The following TNXB variants were observed in gnomAD, a reference collection of about 807,000 sequenced individuals.
TNXB encodes tenascin XB.
TNXB carries 183 observed loss-of-function variants against 340.5 expected under a neutral mutation model. That is an observed-to-expected ratio of 0.54 (90% CI 0.48 to 0.61). The LOEUF (loss-of-function observed/expected upper bound fraction) is 0.61. TNXB is among the 20% of genes least tolerant of loss of function. TNXB has a pLI of 0.00. For synonymous variants in TNXB, 2,121 were observed against 2,314.5 expected (o/e 0.92, Z 2.40); for missense variants, 4,613 against 5,446.4 (o/e 0.85, Z 4.82).
rs777765742 is a variant in TNXB, at chr6:32,075,592, G to A, written c.4376-1640C>T. Among the ~76,000 whole-genome samples, 1 of 152,104 alleles carries A rather than the reference G, an allele frequency of 6.6e-6. No homozygotes were observed. Among genetic ancestry groups the A allele is most frequent in the Admixed American group, 6.5e-5 (1 of 15,276 alleles). On this transcript the variant is annotated intron_variant, in intron 11 of 43. Transcript: ENST00000644971. The surrounding 1 kb of genome is among the most constrained non-coding windows in gnomAD (Gnocchi z 4.6). ...CCCACCACTCATCACTGTCACATCC[G>A]GTGCCACTGACATATTTGTGCAATT...
chr6:32,082,419 A>G lies in TNXB; in HGVS notation c.3446-93T>C. The G allele has an allele frequency of 7.5e-7, 1 of 1,338,646 alleles. No individual in the cohort carries two copies. The allele number at this position is 1,338,646 out of a possible 1,614,324, so 82.9% of individuals were successfully genotyped here. On this transcript the variant is annotated intron_variant, in intron 8 of 43. Transcript: ENST00000644971. This position sits in a 1 kb window ranked among gnomAD's most constrained non-coding sequence, Gnocchi z 5.0. ...ATAGGAATGCTGTGTGAGGCTGTGCAGGTTGTTCACTGCACAAAAGTGCAT... is the reference window on the plus strand; with the variant it reads ...ATAGGAATGCTGTGTGAGGCTGTGCGGGTTGTTCACTGCACAAAAGTGCAT...
At position 32,095,800 on chromosome 6, in the gene TNXB, C is replaced by CT. The variant is rs1447514782; in HGVS notation, c.2052dup (p.Ala685SerfsTer29). 1 of 1,613,022 alleles carries CT rather than the reference C, an allele frequency of 6.2e-7. No homozygotes were observed. Among genetic ancestry groups the CT allele is most frequent in the Middle Eastern group, 1.7e-4 (1 of 6,056 alleles). ...CCGCAGCCTCCAGGGCAGGCGCTGG[C>CT]TGGAGGCTCTTCCTGCCCGCAGTCC... On this transcript the variant is annotated frameshift_variant, in exon 3 of 44. Transcript: ENST00000644971. LOFTEE classifies it high-confidence loss of function.
chr6:32,098,546 T>C (rs181035586), intron 1 of TNXB, among the ~76,000 whole-genome samples: 1 of 152,198 alleles, frequency 6.6e-6, no homozygotes, highest in Non-Finnish European at 1.5e-5. Context: ...AGTGGTGCGA[T>C]CTCAGCTCAC....
chr6:32,076,280 T>C (rs1435505132), intron 11 of TNXB, among the ~76,000 whole-genome samples: 1 of 152,184 alleles, frequency 6.6e-6, no homozygotes, highest in African/African-American at 2.4e-5. Context: ...CCATGCTGCA[T>C]GTGGGACAGT....
rs773077091 is a variant in TNXB at position 32,069,248 on chromosome 6, C to G, written c.5588-112G>C. Reference sequence around the variant, plus strand: ...GGGCAAGCAGTCAGCAATCGAAAGACCAGCTTTTGCTGCACATGGGTGAAT... The same window carrying G: ...GGGCAAGCAGTCAGCAATCGAAAGAGCAGCTTTTGCTGCACATGGGTGAAT... On this transcript the variant is annotated intron_variant, in intron 15 of 43. Coordinates refer to ENST00000644971, the MANE Select transcript of TNXB (RefSeq NM_001365276.2). This position sits in a 1 kb window ranked among gnomAD's most constrained non-coding sequence, Gnocchi z 6.2. 3.1e-4 allele frequency: 336 copies of G among 1,090,478 alleles called. No individual in the cohort carries two copies. In the Middle Eastern group the frequency reaches 3.2e-3, roughly 10 times the overall value. The allele number at this position is 1,090,478 out of a possible 1,614,324, so 67.6% of individuals were successfully genotyped here.
chr6:32,075,035 C>T lies in TNXB; in HGVS notation c.4376-1083G>A, dbSNP rs1015790493. Among the ~76,000 whole-genome samples the T allele has an allele frequency of 6.6e-6, 1 of 152,222 alleles. No individual in the cohort carries two copies. The highest frequency in any genetic ancestry group is 1.5e-5 in the Non-Finnish European group (1 of 68,052). On this transcript the variant is annotated intron_variant, in intron 11 of 43. Transcript: ENST00000644971. This position sits in a 1 kb window ranked among gnomAD's most constrained non-coding sequence, Gnocchi z 4.6. ...AGATCTAAACCGCCAGAGTCATCCC[C>T]GAGTCCTCTCTTAAACTCCACATCC...
chr6:32,102,587 A>C (rs1162551045), intron 1 of TNXB, among the ~76,000 whole-genome samples: 1 of 152,210 alleles, frequency 6.6e-6, no homozygotes, highest in Non-Finnish European at 1.5e-5. Context: ...GAAAAAAGAA[A>C]AAAGAAAACA....
Position 32,042,531 on chromosome 6 carries a change from G to A in TNXB, c.12134C>T (p.Thr4045Ile). The A allele has an allele frequency of 1.2e-6, 2 of 1,612,196 alleles. No homozygotes were observed. The highest frequency in any genetic ancestry group is 8.5e-7 in the Non-Finnish European group (1 of 1,179,916). ...CTCGCGGTTGCCGTTGAGGAAGATG[G>A]TGCTGGTCCTGGAGGCACCGGCTCC... ...QNGAGASRTSTIFLNGNRERP... is the reference protein window; with the variant it reads ...QNGAGASRTSIIFLNGNRERP... Residue 4045 changes from threonine to isoleucine, a missense_variant, in exon 40 of 44, where the codon ACC (threonine) becomes ATC (isoleucine). Thr to Ile is a moderately conservative substitution (Grantham distance 89). This residue lies in a region of TNXB where 121 missense variants were observed against 177.4 expected (regional missense o/e 0.68). Transcript: ENST00000644971.
intron 21 of TNXB, among the ~76,000 whole-genome samples, chr6:32,059,506 A>G (rs1315555623): frequency 6.6e-6 from 1 of 150,718 alleles, no homozygotes; most frequent in Non-Finnish European, 1.5e-5. Flanking sequence ...TGGGGCAGCA[A>G]TACACATAGA....
At chr6:32,059,457 C>T (rs1777881380) in intron 21 of TNXB, among the ~76,000 whole-genome samples, 1 of 113,322 alleles carries the variant, frequency 8.8e-6, no homozygotes, top group Non-Finnish European at 1.8e-5. Context: ...GAAAGAAATT[C>T]TGGGCTACAA....
In TNXB at chr6:32,044,020, C is replaced by T; in HGVS notation, c.11373G>A (p.Gln3791=). ...SRADSFKVSY[Q]LADGGEPQSV... ...CAAAGGCACCACCTCCGTCCGCCAG[C>T]TGGTAGGAGACTTTGAAGCTGTCCG... Residue 3791 remains glutamine (Q), a synonymous_variant, in exon 34 of 44, where the codon CAG becomes CAA. Transcript: ENST00000644971. 6.3e-7 allele frequency: 1 copy of T among 1,587,436 alleles called. No homozygotes were observed. Among genetic ancestry groups the T allele is most frequent in the Non-Finnish European group, 8.6e-7 (1 of 1,167,320 alleles).
chr6:32,068,683 T>A lies in TNXB; in HGVS notation c.5927A>T (p.Glu1976Val), dbSNP rs760212295. ...LTVPEEEKPS[E>V]PPTATPEPPI... Reference sequence around the variant, plus strand: ...GGGCTCGGGGGTTGCGGTGGGAGGTTCTGAAGGCTTCTCCTCCTCCGGGAC... The same window carrying A: ...GGGCTCGGGGGTTGCGGTGGGAGGTACTGAAGGCTTCTCCTCCTCCGGGAC... Residue 1976 changes from glutamate to valine, a missense_variant, in exon 17 of 44, where the codon GAA becomes GTA. By Grantham distance (121) the Glu-to-Val change is moderately radical (BLOSUM62 -2). Transcript: ENST00000644971. This position sits in a 1 kb window ranked among gnomAD's most constrained non-coding sequence, Gnocchi z 5.3. The A allele has an allele frequency of 5.0e-6, 8 of 1,613,432 alleles. No individual in the cohort carries two copies. Among genetic ancestry groups the A allele is most frequent in the Non-Finnish European group, 6.8e-6 (8 of 1,179,728 alleles).
chr6:32,065,205 C>T (rs1264574439), intron 18 of TNXB, 88 bp from the exon 19 acceptor site: 2 of 1,153,518 alleles, frequency 1.7e-6, no homozygotes, highest in East Asian at 2.6e-5. Flanking sequence ...AGAAGGTGGG[C>T]CCAGTCTGGC....
rs943457346 is a variant in TNXB at position 32,072,021 on chromosome 6, T to A, written c.4959A>T (p.Arg1653=). 6 of 1,607,598 alleles carry A rather than the reference T, an allele frequency of 3.7e-6. No individual in the cohort carries two copies. The African/African-American group carries it at 4.0e-5, about 11-fold the overall frequency. ...FLLFGIQDGK[R]RSPVSVEAKT... is the part of the protein sequence containing the mutation. ...TTGCCTCCACAGAGACTGGGCTGCG[T>A]CGTTTCCCATCCTGGATCCCAAAGA... is the stretch of plus-strand genomic sequence containing the variant. The change falls in exon 13 of 44, where the codon CGA becomes CGT. Residue 1653 remains arginine (R), a synonymous_variant. Transcript: ENST00000644971. The surrounding 1 kb of genome is among the most constrained non-coding windows in gnomAD (Gnocchi z 4.4).
intron 1 of TNXB, among the ~76,000 whole-genome samples, chr6:32,105,716 G>A (rs1251033072): frequency 6.6e-6 from 1 of 152,220 alleles, no homozygotes; most frequent in African/African-American, 2.4e-5. Context: ...GGCCAGGGAA[G>A]ATCCTGGCAG....
At chr6:32,055,779 ATTT>A in intron 24 of TNXB, 69 bp downstream of exon 24, 2 of 1,552,568 alleles carry the variant, frequency 1.3e-6, no homozygotes, top group Non-Finnish European at 1.7e-6. Flanking sequence ...TGGTGAGAAT[ATTT>A]TTGTTTTCAT....
In TNXB at chr6:32,062,071, C is replaced by T. The variant is rs1778052264; in HGVS notation, c.7168+86G>A. The stretch of plus-strand genomic sequence containing the variant: ...GTAGGTCTGTGGTGCTGACCAGACC[C>T]GTCCCATTCCCCACCAGTCATCACC... On this transcript the variant is annotated intron_variant, in intron 20 of 43. Transcript: ENST00000644971. The surrounding 1 kb of genome is among the most constrained non-coding windows in gnomAD (Gnocchi z 4.3). The T allele has an allele frequency of 3.4e-6, 5 of 1,478,796 alleles. No homozygotes were observed. Among genetic ancestry groups the T allele is most frequent in the Admixed American group, 2.0e-5 (1 of 49,512 alleles). 91.6% of individuals were successfully genotyped at this position (1,478,796 alleles called of 1,614,324 possible).
rs1465984365 is a variant in TNXB at position 32,097,159 on chromosome 6, C to T, written c.694G>A (p.Val232Met). ...GAGAAGCCTGCCCGGCACACACACA[C>T]GCCCTGCACGCAGCGCCCACGGCCT... ...CQGRGRCVQG[V>M]CVCRAGFSGP... Residue 232 changes from valine (V) to methionine (M), a missense_variant, in exon 3 of 44, where the codon GTG (valine) becomes ATG (methionine). Coordinates refer to ENST00000644971, the MANE Select transcript of TNXB (RefSeq NM_001365276.2). The surrounding 1 kb of genome is among the most constrained non-coding windows in gnomAD (Gnocchi z 5.9). 12 of 1,597,536 alleles carry T rather than the reference C, an allele frequency of 7.5e-6. No individual in the cohort carries two copies. The African/African-American group carries it at 1.6e-4, about 22-fold the overall frequency.
In TNXB at chr6:32,046,083, T is replaced by G; in HGVS notation, c.10606+92A>C. The G allele has an allele frequency of 4.6e-6, 7 of 1,507,704 alleles. No homozygotes were observed. The highest frequency in any genetic ancestry group is 6.2e-6 in the Non-Finnish European group (7 of 1,128,916). The allele number at this position is 1,507,704 out of a possible 1,614,324, so 93.4% of individuals were successfully genotyped here. ...CAGGCCAGGGCGCCCCACTCCGGCC[T>G]GCCCACTCCTGCAGTCATCTTTGTC... On this transcript the variant is annotated intron_variant, in intron 31 of 43. Transcript: ENST00000644971. This position sits in a 1 kb window ranked among gnomAD's most constrained non-coding sequence, Gnocchi z 6.9.
Sources: allele counts gnomAD v4.1 joint callset (sites outside exome capture counted in the v4.1 genomes callset), GRCh38; gene constraint gnomAD v4.1.1; regional missense constraint gnomAD v4.1.1; non-coding constraint Gnocchi (gnomAD v3.1); transcripts MANE v1.5; gene names NCBI Gene and HGNC (gene_info 2026-07-23, HGNC 2026-07-21).